The following GPC6 variants were observed in gnomAD, a reference collection of about 807,000 sequenced individuals.
GPC6 encodes the protein glypican-6.
Under a neutral mutation model 55.2 loss-of-function variants are expected in GPC6, and 14 were observed. The observed-to-expected ratio is 0.25, with a 90% CI of 0.17 to 0.40. The LOEUF (loss-of-function observed/expected upper bound fraction) is 0.40, where lower values mean the gene tolerates loss of function less well. Among genes scored for constraint, GPC6 ranks in the 10% least tolerant of loss-of-function variants. The pLI is 1.00. For missense variants in GPC6, 641 were observed against 708.5 expected, an observed-to-expected ratio of 0.90 and a Z score of 1.08; for synonymous variants, 278 against 259.6, an observed-to-expected ratio of 1.07 and a Z score of -0.68.
chr13:93,895,939 T>C (rs1282254499), intron 3 of GPC6, among the ~76,000 whole-genome samples: 1 of 151,994 alleles, frequency 6.6e-6, no homozygotes, highest in East Asian at 1.9e-4. Flanking sequence ...AAAAGTCCAG[T>C]TAGATAGAAC....
chr13:93,472,033 T>C (rs147861938), intron 1 of GPC6, among the ~76,000 whole-genome samples: 1 of 152,354 alleles, frequency 6.6e-6, no homozygotes, highest in Non-Finnish European at 1.5e-5. Context: ...TTGTTGGTTT[T>C]AGATTTACGG....
At chr13:93,844,263 T>C (rs2139002007) in intron 3 of GPC6, among the ~76,000 whole-genome samples, 1 of 152,206 alleles carries the variant, frequency 6.6e-6, no homozygotes, top group East Asian at 1.9e-4. Flanking sequence ...CTTAGCCTCC[T>C]GAGTAGCTGG....
At chr13:94,090,686 TTAC>T (rs1566391970) in intron 4 of GPC6, among the ~76,000 whole-genome samples, 2 of 7,280 alleles carry the variant, frequency 2.7e-4, no homozygotes, top group Non-Finnish European at 9.9e-4. Flanking sequence ...TACTTAATAC[TTAC>T]ATCAACTTCA....
intron 1 of GPC6, among the ~76,000 whole-genome samples, chr13:93,509,743 A>G (rs990684380): frequency 7.9e-5 from 12 of 152,240 alleles, no homozygotes; most frequent in Admixed American, 3.3e-4. Flanking sequence ...CAAAAGTAGT[A>G]AAAGACATGC....
At chr13:93,948,809 G>A (rs568294315) in intron 3 of GPC6, among the ~76,000 whole-genome samples, 1 of 152,306 alleles carries the variant, frequency 6.6e-6, no homozygotes, top group African/African-American at 2.4e-5. Flanking sequence ...TTAAAACACA[G>A]CCAGGATTAT....
chr13:93,781,334 C>A (rs1388172498), intron 2 of GPC6, among the ~76,000 whole-genome samples: 1 of 150,608 alleles, frequency 6.6e-6, no homozygotes, highest in Non-Finnish European at 1.5e-5. Context: ...TCTTTACTAA[C>A]AAAAGTCTTT....
At chr13:93,928,016 A>G (rs917456287) in intron 3 of GPC6, among the ~76,000 whole-genome samples, 4 of 151,872 alleles carry the variant, frequency 2.6e-5, no homozygotes, top group African/African-American at 7.3e-5. Flanking sequence ...ATAAAATAGT[A>G]TGGGCAATTA....
At chr13:93,649,202 G>A (rs1206425203) in intron 2 of GPC6, among the ~76,000 whole-genome samples, 1 of 152,112 alleles carries the variant, frequency 6.6e-6, no homozygotes, top group Non-Finnish European at 1.5e-5. Context: ...TGTAATCCCA[G>A]CACTTTGGGA....
intron 5 of GPC6, among the ~76,000 whole-genome samples, chr13:94,292,662 A>G (rs1234668800): frequency 6.6e-6 from 1 of 152,148 alleles, no homozygotes; most frequent in African/African-American, 2.4e-5. Flanking sequence ...GCCAAAGGTG[A>G]ACACAACACA....
intron 4 of GPC6, among the ~76,000 whole-genome samples, chr13:94,209,952 A>G (rs942978329): frequency 9.9e-5 from 15 of 152,174 alleles, no homozygotes; most frequent in Admixed American, 9.2e-4. Flanking sequence ...GGCCCAAGCT[A>G]TCTTCCCACC....
chr13:93,793,532 TCTTTC>T (rs1191691099), intron 2 of GPC6, among the ~76,000 whole-genome samples: 5 of 152,196 alleles, frequency 3.3e-5, no homozygotes, highest in African/African-American at 1.2e-4. Flanking sequence ...TTTTGCATTC[TCTTTC>T]CTTGTGCACT....
rs114621569 is a variant in GPC6 at position 93,978,494 on chromosome 13, A to G, written c.712-49235A>G. Reference sequence around the variant, plus strand: ...GTCTCCAAATATAACCAATACTGAGATAGGAATATGTACAGGAAGATATAC... The same window carrying G: ...GTCTCCAAATATAACCAATACTGAGGTAGGAATATGTACAGGAAGATATAC... On this transcript the variant is annotated intron_variant, in intron 3 of 8. Coordinates refer to ENST00000377047, the MANE Select transcript of GPC6 (RefSeq NM_005708.5). 3.5e-3 allele frequency among the ~76,000 whole-genome samples: 526 copies of G among 152,294 alleles called. 5 individuals are homozygous for G. Among genetic ancestry groups the G allele is most frequent in the African/African-American group, 0.012 (510 of 41,568 alleles).
At chr13:94,116,018 C>A (rs1448355573) in intron 4 of GPC6, among the ~76,000 whole-genome samples, 1 of 151,858 alleles carries the variant, frequency 6.6e-6, no homozygotes, top group African/African-American at 2.4e-5. Context: ...GTTTAGAAAC[C>A]CCTAATTTTC....
chr13:94,085,954 A>G (rs918309462), intron 4 of GPC6, among the ~76,000 whole-genome samples: 1 of 152,204 alleles, frequency 6.6e-6, no homozygotes, highest in African/African-American at 2.4e-5. Context: ...TCAAAGAGTA[A>G]CTTCTCCTAA....
chr13:93,467,810 C>T (rs1027221774), intron 1 of GPC6, among the ~76,000 whole-genome samples: 7 of 151,752 alleles, frequency 4.6e-5, no homozygotes, highest in African/African-American at 1.5e-4. Context: ...AGGCTGGTCT[C>T]GAATTCCTAG....
intron 1 of GPC6, among the ~76,000 whole-genome samples, chr13:93,310,899 T>C: frequency 6.6e-6 from 1 of 152,202 alleles, no homozygotes; most frequent in Non-Finnish European, 1.5e-5. Context: ...CTACTACTAT[T>C]TTATTATAAA....
In GPC6 at chr13:94,128,532, G is replaced by A. The variant is rs9589909; in HGVS notation, c.877+100638G>A. Among the ~76,000 whole-genome samples the A allele has an allele frequency of 6.7e-3, 1,021 of 152,254 alleles. 24 individuals carry two copies. Among genetic ancestry groups the A allele is most frequent in the African/African-American group, 0.023 (964 of 41,550 alleles). ...ACTTTGGATCCTAGGTGACATAGCA[G>A]TTGCTGTGTGGAATTTTACCAGTCA... On this transcript the variant is annotated intron_variant, in intron 4 of 8. Coordinates refer to ENST00000377047, the MANE Select transcript of GPC6 (RefSeq NM_005708.5).
chr13:94,264,868 T>G (rs1891750863), intron 4 of GPC6, among the ~76,000 whole-genome samples: 1 of 152,176 alleles, frequency 6.6e-6, no homozygotes, highest in Non-Finnish European at 1.5e-5. Flanking sequence ...GAAAGGCCTA[T>G]CTAACATGGC....
rs528142599 is a variant in GPC6 at position 93,938,964 on chromosome 13, T to C, written c.712-88765T>C. On this transcript the variant is annotated intron_variant, in intron 3 of 8. Coordinates refer to ENST00000377047, the MANE Select transcript of GPC6 (RefSeq NM_005708.5). The stretch of plus-strand genomic sequence containing the variant: ...TAAAAATACAAAATTTAGCTGTGCG[T>C]GGTGACACGTGCCTGTAGTCCCACC... Among the ~76,000 whole-genome samples the C allele has an allele frequency of 2.0e-5, 3 of 152,146 alleles. No individual in the cohort carries two copies. The East Asian group carries it at 5.8e-4, about 29-fold the overall frequency.
Sources: gnomAD v4.1 joint callset for allele counts (sites outside exome capture counted in the v4.1 genomes callset) on GRCh38, gnomAD v4.1.1 for gene constraint, MANE v1.5 for transcripts, NCBI Gene and HGNC (gene_info 2026-07-23, HGNC 2026-07-21) for gene names.